The following BAZ2B variants were observed in gnomAD, a reference collection of about 807,000 sequenced individuals.
The protein encoded by BAZ2B is bromodomain adjacent to zinc finger domain 2B, also known as bromodomain adjacent to zinc finger domain protein 2B.
BAZ2B carries 91 observed loss-of-function variants against 246.0 expected under a neutral mutation model. The observed-to-expected ratio is 0.37, with a 90% confidence interval of 0.31 to 0.44. The LOEUF (loss-of-function observed/expected upper bound fraction) is 0.44, where lower values mean the gene tolerates loss of function less well. Among genes scored for constraint, BAZ2B ranks in the 20% least tolerant of loss-of-function variants. The pLI is 1.00. For missense variants in BAZ2B, 2,332 were observed against 2,533.7 expected, an observed-to-expected ratio of 0.92 and a Z score of 1.71; for synonymous variants, 855 against 860.0, an observed-to-expected ratio of 0.99 and a Z score of 0.10.
At chr2:159,429,308 T>C (rs780748386) in intron 10 of BAZ2B, 48 bp from the exon 11 acceptor site, 2 of 1,109,028 alleles carry the variant, frequency 1.8e-6, no homozygotes, top group Non-Finnish European at 2.5e-6. Context: ...TTAATATAAA[T>C]AATAATATTG....
the BAZ2B span, among the ~76,000 whole-genome samples, chr2:159,665,025 A>G: frequency 6.7e-6 from 1 of 148,340 alleles, no homozygotes; most frequent in Non-Finnish European, 1.5e-5. Flanking sequence ...AAATCAATGT[A>G]CAAAAATCAC....
chr2:159,664,986 A>T, the BAZ2B span, among the ~76,000 whole-genome samples: 95 of 150,762 alleles, frequency 6.3e-4, no homozygotes, highest in East Asian at 0.018. Context: ...TTAAGCTGAT[A>T]AGCAACTTCA....
chr2:159,456,563 G>T (rs986459419), intron 3 of BAZ2B, among the ~76,000 whole-genome samples: 1 of 152,068 alleles, frequency 6.6e-6, no homozygotes, highest in Admixed American at 6.6e-5. Flanking sequence ...AGCAAAATGA[G>T]CTGTATACAT....
chr2:159,399,297 TAATA>T (rs1356342737), intron 17 of BAZ2B, among the ~76,000 whole-genome samples: 1 of 152,128 alleles, frequency 6.6e-6, no homozygotes, highest in Non-Finnish European at 1.5e-5. Context: ...AGATTTTAAT[TAATA>T]AATAAAAATT....
intron 2 of BAZ2B, among the ~76,000 whole-genome samples, chr2:159,482,519 A>C (rs1486297409): frequency 2.0e-5 from 3 of 152,204 alleles, no homozygotes. Flanking sequence ...GCAAGAAAAG[A>C]AACCTCAAGG....
chr2:159,333,859 A>G (rs1042167200), intron 33 of BAZ2B, among the ~76,000 whole-genome samples: 1 of 152,154 alleles, frequency 6.6e-6, no homozygotes, highest in Non-Finnish European at 1.5e-5. Flanking sequence ...TATCAAATGT[A>G]TATACTATAT....
At chr2:159,701,637 A>T in the BAZ2B span, among the ~76,000 whole-genome samples, 176 of 147,908 alleles carry the variant, frequency 1.2e-3, no homozygotes, top group Admixed American at 4.9e-3. Flanking sequence ...TTATATATGT[A>T]TATATAATAT....
At chr2:159,497,795 C>T (rs1559619683) in intron 2 of BAZ2B, among the ~76,000 whole-genome samples, 1 of 152,144 alleles carries the variant, frequency 6.6e-6, no homozygotes, top group African/African-American at 2.4e-5. Flanking sequence ...ACGAAAGAGC[C>T]TAGTAGAAAA....
chr2:159,411,960 G>T (rs910223447), intron 14 of BAZ2B: 9 of 985,356 alleles, frequency 9.1e-6, no homozygotes, highest in Non-Finnish European at 1.1e-5. Flanking sequence ...ACATATTTTG[G>T]AGTTATTCCC....
the BAZ2B span, among the ~76,000 whole-genome samples, chr2:159,700,095 A>G: frequency 4.6e-5 from 7 of 152,148 alleles, no homozygotes; most frequent in African/African-American, 1.7e-4. Context: ...TAACTATCAC[A>G]TTGGTAGTAT....
At chr2:159,390,017 G>C (rs1355614041) in intron 20 of BAZ2B, among the ~76,000 whole-genome samples, 4 of 152,096 alleles carry the variant, frequency 2.6e-5, no homozygotes, top group Non-Finnish European at 5.9e-5. Context: ...CAACAATATG[G>C]AAATAACTGA....
At chr2:159,695,584 C>T in the BAZ2B span, among the ~76,000 whole-genome samples, 18 of 152,056 alleles carry the variant, frequency 1.2e-4, no homozygotes, top group Non-Finnish European at 8.8e-5. Context: ...GGTCCAACTT[C>T]ATTCTCTGCA....
chr2:159,437,762 C>A (rs10929943), intron 8 of BAZ2B: 66,167 of 151,952 alleles, frequency 0.44, 15,026 homozygotes, highest in East Asian at 0.61. Context: ...ACTAAATATA[C>A]AAAAATTAGC....
At chr2:159,623,083 GA>G in the BAZ2B span, among the ~76,000 whole-genome samples, 1 of 148,818 alleles carries the variant, frequency 6.7e-6, no homozygotes, top group Admixed American at 6.7e-5. Flanking sequence ...AGGGAAGGGA[GA>G]GGGGAGGGAG....
the BAZ2B span, among the ~76,000 whole-genome samples, chr2:159,690,990 T>C: frequency 2.6e-5 from 4 of 152,170 alleles, no homozygotes; most frequent in Non-Finnish European, 5.9e-5. Flanking sequence ...CTTGGTGTTT[T>C]CCATTATGAT....
intron 27 of BAZ2B, among the ~76,000 whole-genome samples, chr2:159,363,526 G>A (rs1165516581): frequency 6.6e-6 from 1 of 152,162 alleles, no homozygotes; most frequent in African/African-American, 2.4e-5. Context: ...AAGCCCCACA[G>A]CAGAGGCGGA....
chr2:159,655,639 A>G, the BAZ2B span, among the ~76,000 whole-genome samples: 1 of 152,102 alleles, frequency 6.6e-6, no homozygotes, highest in Non-Finnish European at 1.5e-5. Flanking sequence ...TTACATGTAT[A>G]CTGGTTACCT....
At chr2:159,574,990 G>A (rs948413427) in intron 1 of BAZ2B, among the ~76,000 whole-genome samples, 2 of 151,578 alleles carry the variant, frequency 1.3e-5, no homozygotes, top group Non-Finnish European at 2.9e-5. Context: ...GAAAAGAAAA[G>A]AAAGAAAAAA....
chr2:159,620,137 A>T (rs1573851107), upstream of BAZ2B, among the ~76,000 whole-genome samples: 1 of 152,200 alleles, frequency 6.6e-6, no homozygotes, highest in East Asian at 1.9e-4. Flanking sequence ...ATAGAGTTGG[A>T]TGGCTATCTA....
Sources: gnomAD v4.1 joint callset for allele counts (sites outside exome capture counted in the v4.1 genomes callset) on GRCh38, gnomAD v4.1.1 for gene constraint, MANE v1.5 for transcripts, NCBI Gene and HGNC (gene_info 2026-07-23, HGNC 2026-07-21) for gene names.